The following ASRGL1 variants were observed in gnomAD, a reference collection of about 807,000 sequenced individuals.
The protein encoded by ASRGL1 is isoaspartyl peptidase/L-asparaginase.
A neutral mutation model predicts 22.4 loss-of-function variants in ASRGL1; 16 were observed. That is an observed-to-expected ratio of 0.71 (90% confidence interval 0.48 to 1.08). The LOEUF is 1.08. Among genes scored for constraint, ASRGL1 ranks in the 50% least tolerant of loss-of-function variants. The probability of loss-of-function intolerance (pLI) is 0.00; values close to 1 mark genes in which losing one functional copy is unlikely to be tolerated. For synonymous variants in ASRGL1, 165 were observed against 159.3 expected, an observed-to-expected ratio of 1.04 and a Z score of -0.27; for missense variants, 412 against 410.1, an observed-to-expected ratio of 1.00 and a Z score of -0.04.
chr11:62,376,199 T>C (rs1021660353), intron 4 of ASRGL1, among the ~76,000 whole-genome samples: 1 of 149,482 alleles, frequency 6.7e-6, no homozygotes, highest in Non-Finnish European at 1.5e-5. Flanking sequence ...TTTAGCTAAC[T>C]GTGCCAGCTT....
intron 4 of ASRGL1, chr11:62,371,505 G>C (rs912598784): frequency 2.8e-5 from 19 of 675,412 alleles, no homozygotes; most frequent in African/African-American, 5.4e-5. Context: ...GCGCTTGAAG[G>C]CAGTATGCTT....
chr11:62,362,843 C>CACACACACACACAT (rs1491198718), intron 4 of ASRGL1, among the ~76,000 whole-genome samples: 2 of 116,870 alleles, frequency 1.7e-5, no homozygotes, highest in East Asian at 4.9e-4. Context: ...CACACACACA[C>CACACACACACACAT]ATCCATATAA....
At chr11:62,339,530 A>G (rs186041965) in intron 2 of ASRGL1, among the ~76,000 whole-genome samples, 4 of 152,308 alleles carry the variant, frequency 2.6e-5, no homozygotes, top group African/African-American at 9.6e-5. Flanking sequence ...TCTACCATGT[A>G]TCAGGCAGTG....
At chr11:62,379,554 A>G (rs1025114999) in intron 4 of ASRGL1, among the ~76,000 whole-genome samples, 4 of 152,210 alleles carry the variant, frequency 2.6e-5, no homozygotes, top group African/African-American at 7.2e-5. Flanking sequence ...CCACACCAGT[A>G]TGAATTTGAA....
At chr11:62,379,654 G>T (rs1407685673) in intron 4 of ASRGL1, among the ~76,000 whole-genome samples, 3 of 152,136 alleles carry the variant, frequency 2.0e-5, no homozygotes, top group African/African-American at 7.2e-5. Flanking sequence ...AATTTTTTGT[G>T]GGGGCTCCCC....
chr11:62,379,658 G>A (rs1421024934), intron 4 of ASRGL1, among the ~76,000 whole-genome samples: 1 of 152,144 alleles, frequency 6.6e-6, no homozygotes, highest in South Asian at 2.1e-4. Flanking sequence ...TTTTGTGGGG[G>A]CTCCCCTGAA....
intron 4 of ASRGL1, chr11:62,371,938 A>C (rs1365557286): frequency 6.8e-6 from 4 of 588,904 alleles, no homozygotes; most frequent in Non-Finnish European, 1.2e-5. Context: ...TGGGCAACAG[A>C]GCAAGACTCC....
intron 4 of ASRGL1, among the ~76,000 whole-genome samples, chr11:62,378,804 C>T (rs530787807): frequency 1.0e-3 from 152 of 152,208 alleles, no homozygotes; most frequent in Non-Finnish European, 1.9e-3. Context: ...GTTTTGGTAG[C>T]GGCCACTGAT....
the ASRGL1 span, among the ~76,000 whole-genome samples, chr11:62,399,822 C>G: frequency 6.6e-6 from 1 of 152,222 alleles, no homozygotes; most frequent in African/African-American, 2.4e-5. Context: ...TGGTGCCACC[C>G]TGGCCCTGCC....
downstream of ASRGL1, among the ~76,000 whole-genome samples, chr11:62,396,065 G>A (rs935433505): frequency 7.2e-5 from 11 of 151,830 alleles, no homozygotes; most frequent in African/African-American, 2.4e-4. Flanking sequence ...CACCGCACCC[G>A]GCCTTTGTAG....
At chr11:62,378,539 T>TA (rs1185228966) in intron 4 of ASRGL1, among the ~76,000 whole-genome samples, 1 of 152,138 alleles carries the variant, frequency 6.6e-6, no homozygotes, top group Non-Finnish European at 1.5e-5. Flanking sequence ...AGAGGGATGG[T>TA]AAAAAAGCAG....
At chr11:62,372,309 C>T in intron 4 of ASRGL1, 1 of 1,603,120 alleles carries the variant, frequency 6.2e-7, no homozygotes, top group Non-Finnish European at 8.5e-7. Context: ...GATGGGGCAG[C>T]TGGGCCTTGG....
At chr11:62,376,082 C>T (rs1163563536) in intron 4 of ASRGL1, among the ~76,000 whole-genome samples, 4 of 119,386 alleles carry the variant, frequency 3.4e-5, no homozygotes, top group South Asian at 2.7e-4. Flanking sequence ...AGCCTGGTGA[C>T]GGAGCAAGAC....
intron 4 of ASRGL1, among the ~76,000 whole-genome samples, chr11:62,378,104 G>A (rs923530732): frequency 1.3e-5 from 2 of 152,238 alleles, no homozygotes; most frequent in South Asian, 2.1e-4. Context: ...AGAGTTGGCC[G>A]AATCCAATTA....
chr11:62,394,121 ATATT>A (rs1171390327), downstream of ASRGL1, among the ~76,000 whole-genome samples: 3 of 137,660 alleles, frequency 2.2e-5, no homozygotes, highest in African/African-American at 5.2e-5. Flanking sequence ...ATTTACATAT[ATATT>A]ATATATAATA....
intron 4 of ASRGL1, chr11:62,371,064 C>G (rs1238826506): frequency 1.9e-6 from 1 of 532,824 alleles, no homozygotes; most frequent in African/African-American, 2.0e-5. Flanking sequence ...AAAAGCCCTC[C>G]GATCCGTCTT....
At chr11:62,365,646 A>C (rs1946594944) in intron 4 of ASRGL1, among the ~76,000 whole-genome samples, 1 of 151,328 alleles carries the variant, frequency 6.6e-6, no homozygotes, top group Non-Finnish European at 1.5e-5. Context: ...TCAGGAGTTC[A>C]AGACCAGCCT....
At chr11:62,394,194 T>C (rs1290656313), downstream of ASRGL1, among the ~76,000 whole-genome samples, 1 of 135,892 alleles carries the variant, frequency 7.4e-6, no homozygotes, top group Non-Finnish European at 1.5e-5. Flanking sequence ...ATATATACTA[T>C]TATATATAAT....
chr11:62,389,578 A>G (rs996137049), intron 5 of ASRGL1: 6 of 390,724 alleles, frequency 1.5e-5, no homozygotes, highest in Non-Finnish European at 3.0e-5. Context: ...CAGTTTCAGG[A>G]TCTGCAGACT....
Sources: gnomAD v4.1 joint callset for allele counts (sites outside exome capture counted in the v4.1 genomes callset) on GRCh38, gnomAD v4.1.1 for gene constraint, MANE v1.5 for transcripts, NCBI Gene and HGNC (gene_info 2026-07-23, HGNC 2026-07-21) for gene names.